PCBP3: variants seen among roughly 807,000 people sequenced by gnomAD.
The protein encoded by PCBP3 is poly(rC)-binding protein 3.
A neutral mutation model predicts 52.7 loss-of-function variants in PCBP3; 25 were observed. The observed-to-expected ratio is 0.47, with a 90% CI of 0.35 to 0.66. The LOEUF is 0.66. Ranked by LOEUF, PCBP3 falls within the 30% of genes least tolerant of loss-of-function variation. PCBP3 has a pLI of 0.01. For synonymous variants in PCBP3, 162 were observed against 183.0 expected (o/e 0.89, Z 0.93); for missense variants, 391 against 490.3 (o/e 0.80, Z 1.91).
At chr21:45,644,158 A>G (rs1402453473) in intron 1 of PCBP3, among the ~76,000 whole-genome samples, 2 of 151,226 alleles carry the variant, frequency 1.3e-5, no homozygotes, top group Admixed American at 1.3e-4. Context: ...GGAAGCCGAG[A>G]ACGTCTCGGA....
rs187369149 is a variant in PCBP3 at position 45,737,026 on chromosome 21, C to T, written c.-162+1597C>T. On this transcript the variant is annotated intron_variant, in intron 3 of 17. Transcript: ENST00000681687. This position sits in a 1 kb window ranked among gnomAD's most constrained non-coding sequence, Gnocchi z 4.9. ...CCTTGGTGCAGGAGGTGAGGAGCTG[C>T]AGGGCCAAGGGGGTTTGGAGCAGAA... 6.6e-6 allele frequency among the ~76,000 whole-genome samples: 1 copy of T among 152,158 alleles called. No individual in the cohort carries two copies. The highest frequency in any genetic ancestry group is 2.4e-5 in the African/African-American group (1 of 41,516).
At chr21:45,693,229 C>A (rs1331721458) in intron 2 of PCBP3, among the ~76,000 whole-genome samples, 1 of 152,116 alleles carries the variant, frequency 6.6e-6, no homozygotes, top group African/African-American at 2.4e-5. Flanking sequence ...ACCAACAAGG[C>A]AAGGATGTCT....
chr21:45,757,330 G>T (rs765589439), intron 4 of PCBP3, among the ~76,000 whole-genome samples: 15 of 152,018 alleles, frequency 9.9e-5, no homozygotes, highest in Non-Finnish European at 1.8e-4. Context: ...TATCTTCTTT[G>T]GAAAAATGTC....
intron 2 of PCBP3, among the ~76,000 whole-genome samples, chr21:45,685,056 A>G (rs143576562): frequency 3.3e-4 from 50 of 152,312 alleles, no homozygotes; most frequent in African/African-American, 1.2e-3. Flanking sequence ...CATTTTGAGT[A>G]TTACAAACCA....
At chr21:45,813,306 C>A (rs1386358483) in intron 4 of PCBP3, among the ~76,000 whole-genome samples, 1 of 152,152 alleles carries the variant, frequency 6.6e-6, no homozygotes, top group Non-Finnish European at 1.5e-5. Flanking sequence ...GCTGCTAAGT[C>A]CATCCAGTGA....
intron 9 of PCBP3, among the ~76,000 whole-genome samples, chr21:45,901,957 G>A (rs1243782713): frequency 2.0e-5 from 3 of 152,214 alleles, no homozygotes; most frequent in African/African-American, 7.2e-5. Context: ...AGGGAGAATG[G>A]GCAGAGGCTC....
At position 45,925,150 on chromosome 21, in the gene PCBP3, C is replaced by T. The variant is rs35826702; in HGVS notation, c.718-4767C>T. Among the ~76,000 whole-genome samples, 51 of 116,508 alleles carry T rather than the reference C, an allele frequency of 4.4e-4. 2 individuals are homozygous for T. Among genetic ancestry groups the T allele is most frequent in the African/African-American group, 1.3e-3 (29 of 22,014 alleles). The allele number at this position is 116,508 out of a possible 152,430, so 76.4% of individuals were successfully genotyped here. On this transcript the variant is annotated intron_variant, in intron 13 of 17. Coordinates refer to ENST00000681687, the MANE Select transcript of PCBP3 (RefSeq NM_001384156.1). The stretch of plus-strand genomic sequence containing the variant: ...AAGATCGGGTGTGCGTGAGGAGATG[C>T]GAACACCAGGAACAGTCGAGTGGGT...
At chr21:45,669,391 GT>G (rs1246748122) in intron 2 of PCBP3, among the ~76,000 whole-genome samples, 1 of 151,794 alleles carries the variant, frequency 6.6e-6, no homozygotes, top group African/African-American at 2.4e-5. Context: ...TATTGTTTCT[GT>G]TTTTAACTAT....
intron 4 of PCBP3, among the ~76,000 whole-genome samples, chr21:45,779,692 A>C (rs1199809330): frequency 6.6e-6 from 1 of 152,224 alleles, no homozygotes; most frequent in African/African-American, 2.4e-5. Flanking sequence ...AATATTGCCA[A>C]CAGAAATTGT....
intron 13 of PCBP3, among the ~76,000 whole-genome samples, chr21:45,924,959 C>CCGCA (rs2075155596): frequency 2.2e-5 from 1 of 46,028 alleles, no homozygotes; most frequent in African/African-American, 1.9e-4. Context: ...ATGCGAACAC[C>CCGCA]GGGAACAGTC....
At chr21:45,876,930 CT>C (rs2095273096) in intron 5 of PCBP3, among the ~76,000 whole-genome samples, 1 of 152,266 alleles carries the variant, frequency 6.6e-6, no homozygotes, top group South Asian at 2.1e-4. Flanking sequence ...GCTGGCAAGG[CT>C]TCTCCCGCCT....
At chr21:45,668,131 AG>A (rs1171572453) in intron 1 of PCBP3, among the ~76,000 whole-genome samples, 1 of 152,122 alleles carries the variant, frequency 6.6e-6, no homozygotes, top group Non-Finnish European at 1.5e-5. Flanking sequence ...GGGCTATCTC[AG>A]GGCACTCCAG....
intron 4 of PCBP3, among the ~76,000 whole-genome samples, chr21:45,793,535 T>C (rs1196587358): frequency 6.6e-6 from 1 of 151,998 alleles, no homozygotes; most frequent in African/African-American, 2.4e-5. Context: ...GGAGACATCC[T>C]AGAAGATCGT....
chr21:45,662,581 A>G (rs2080477230), intron 1 of PCBP3, among the ~76,000 whole-genome samples: 1 of 152,110 alleles, frequency 6.6e-6, no homozygotes, highest in African/African-American at 2.4e-5. Context: ...GAGTTATACT[A>G]GATATAGATC....
chr21:45,771,581 C>T (rs1049154667), intron 4 of PCBP3, among the ~76,000 whole-genome samples: 9 of 152,268 alleles, frequency 5.9e-5, no homozygotes, highest in South Asian at 4.1e-4. Flanking sequence ...CAGATACAAA[C>T]GTTCAAGAAA....
intron 13 of PCBP3, among the ~76,000 whole-genome samples, chr21:45,927,331 T>TCTCCCCCTCCTC (rs2075588054): frequency 7.7e-4 from 2 of 2,610 alleles, no homozygotes; most frequent in Non-Finnish European, 7.5e-4. Context: ...TCCCCCTACA[T>TCTCCCCCTCCTC]CCTCCCCTCC....
At chr21:45,728,434 C>T (rs1330798201) in intron 2 of PCBP3, among the ~76,000 whole-genome samples, 1 of 152,136 alleles carries the variant, frequency 6.6e-6, no homozygotes, top group Admixed American at 6.6e-5. Flanking sequence ...TGGGTTAAAA[C>T]CCACTTTATC....
chr21:45,799,357 G>A (rs187811713), intron 4 of PCBP3, among the ~76,000 whole-genome samples: 1 of 152,314 alleles, frequency 6.6e-6, no homozygotes, highest in East Asian at 1.9e-4. Flanking sequence ...CCATGGTACA[G>A]TATAGTGAGA....
At chr21:45,726,925 G>C (rs1445500556) in intron 2 of PCBP3, among the ~76,000 whole-genome samples, 3 of 152,164 alleles carry the variant, frequency 2.0e-5, no homozygotes, top group Non-Finnish European at 4.4e-5. Context: ...TCTGGATACA[G>C]TCTTTTATGG....
Sources: allele counts gnomAD v4.1 joint callset (sites outside exome capture counted in the v4.1 genomes callset), GRCh38; gene constraint gnomAD v4.1.1; non-coding constraint Gnocchi (gnomAD v3.1); transcripts MANE v1.5; gene names NCBI Gene and HGNC (gene_info 2026-07-23, HGNC 2026-07-21).